SLC13A3: variants seen among roughly 807,000 people sequenced by gnomAD.
SLC13A3 encodes the protein Na(+)/dicarboxylate cotransporter 3.
Under a neutral mutation model 59.0 loss-of-function variants are expected in SLC13A3, and 40 were observed. The ratio of observed to expected loss-of-function variants is 0.68; its 90% CI spans 0.53 to 0.88. The LOEUF (loss-of-function observed/expected upper bound fraction) is 0.88, where lower values mean the gene tolerates loss of function less well. Ranked by LOEUF, SLC13A3 falls within the 40% of genes least tolerant of loss-of-function variation. The probability of loss-of-function intolerance (pLI) is 0.00; values close to 1 mark genes in which losing one functional copy is unlikely to be tolerated. For missense variants in SLC13A3, 699 were observed against 783.2 expected (o/e 0.89, Z 1.28); for synonymous variants, 317 against 330.3 (o/e 0.96, Z 0.44).
At chr20:46,655,292 TACACATATATACAC>T (rs983900888), upstream of SLC13A3, among the ~76,000 whole-genome samples, 8 of 149,760 alleles carry the variant, frequency 5.3e-5, no homozygotes, top group African/African-American at 9.8e-5. Context: ...TACACATATA[TACACATATATACAC>T]ACACATATAT....
At chr20:46,680,574 C>T (rs2063149357) in intron 1 of SLC13A3, among the ~76,000 whole-genome samples, 1 of 152,240 alleles carries the variant, frequency 6.6e-6, no homozygotes, top group African/African-American at 2.4e-5. Context: ...CTTGCCAGAG[C>T]TCGTGTCCCT....
chr20:46,648,947 A>T (rs982105536), intron 1 of SLC13A3, among the ~76,000 whole-genome samples: 5 of 146,574 alleles, frequency 3.4e-5, no homozygotes, highest in Non-Finnish European at 7.4e-5. Flanking sequence ...ACACATACAC[A>T]CACACACACA....
chr20:46,651,546 T>C, upstream of SLC13A3: 1 of 1,315,006 alleles, frequency 7.6e-7, no homozygotes. Context: ...TCCCTGCTCC[T>C]CCTGGAGGAA....
At chr20:46,575,508 C>A in intron 10 of SLC13A3, 65 bp downstream of exon 10, 1 of 931,350 alleles carries the variant, frequency 1.1e-6, no homozygotes, top group South Asian at 1.8e-5. Flanking sequence ...CTGCAGCCAG[C>A]ACTGGGACCC....
chr20:46,637,236 C>G (rs900650289), intron 1 of SLC13A3, among the ~76,000 whole-genome samples: 4 of 152,188 alleles, frequency 2.6e-5, no homozygotes, highest in Admixed American at 2.6e-4. Flanking sequence ...GGGAAGCCGG[C>G]CCTGCTGGAA....
In SLC13A3 at chr20:46,631,783, CG is replaced by C. The variant is rs145573679; in HGVS notation, c.112-18059del. On this transcript the variant is annotated intron_variant, in intron 1 of 12. Transcript: ENST00000279027. ...AAGCAAAACGCGCAGGGGTGAGAGACGGGTGGAGAGAGAGAGAAAAAAATGC... is the reference window on the plus strand; with the variant it reads ...AAGCAAAACGCGCAGGGGTGAGAGACGGTGGAGAGAGAGAGAAAAAAATGC... Among the ~76,000 whole-genome samples, 12 of 152,044 alleles carry C rather than the reference CG, an allele frequency of 7.9e-5. No individual in the cohort carries two copies. In the East Asian group the frequency reaches 2.3e-3, roughly 29 times the overall value.
chr20:46,582,684 C>A, intron 9 of SLC13A3: 3 of 985,248 alleles, frequency 3.0e-6, no homozygotes, highest in Non-Finnish European at 2.4e-6. Flanking sequence ...ATACACTATA[C>A]TCCCCACACT....
upstream of SLC13A3, chr20:46,673,600 C>T (rs2063105195): frequency 6.6e-6 from 1 of 152,340 alleles, no homozygotes; most frequent in African/African-American, 2.4e-5. Context: ...GTCACCTCCT[C>T]AGAGGGTCCC....
chr20:46,573,039 CCTCT>C (rs2146093198), intron 10 of SLC13A3, among the ~76,000 whole-genome samples: 1 of 152,320 alleles, frequency 6.6e-6, no homozygotes, highest in South Asian at 2.1e-4. Flanking sequence ...AGTTACTTAA[CCTCT>C]CTGTGTCTCA....
chr20:46,650,350 C>T (rs1420687330), intron 1 of SLC13A3, among the ~76,000 whole-genome samples: 1 of 152,112 alleles, frequency 6.6e-6, no homozygotes, highest in African/African-American at 2.4e-5. Flanking sequence ...TTTCTCTCCC[C>T]GAGCCTTGGT....
chr20:46,592,541 C>T lies in SLC13A3; in HGVS notation c.795-12G>A, dbSNP rs375792077. ...ACTGCGGAAAGAAACTGGAGAACAG[C>T]GGGAGATGAGAACAGGCCAAGGGCA... is the stretch of plus-strand genomic sequence containing the variant. On this transcript the variant is annotated splice_polypyrimidine_tract_variant and intron_variant, in intron 5 of 12. Coordinates refer to ENST00000279027, the MANE Select transcript of SLC13A3 (RefSeq NM_022829.6). The T allele has an allele frequency of 1.9e-5, 31 of 1,612,634 alleles. No homozygotes were observed. Among genetic ancestry groups the T allele is most frequent in the African/African-American group, 1.5e-4 (11 of 74,964 alleles).
chr20:46,583,806 A>G (rs2062163537), intron 8 of SLC13A3, 137 bp from the exon 9 acceptor site: 1 of 1,482,534 alleles, frequency 6.7e-7, no homozygotes, highest in Non-Finnish European at 9.0e-7. Context: ...GGGCCACTGG[A>G]TTCTGTCCTT....
At chr20:46,679,167 T>C (rs2063141393) in intron 1 of SLC13A3, among the ~76,000 whole-genome samples, 1 of 152,208 alleles carries the variant, frequency 6.6e-6, no homozygotes, top group South Asian at 2.1e-4. Flanking sequence ...CTAATACACA[T>C]GCCCATTCCT....
chr20:46,614,642 G>T (rs551127000), intron 1 of SLC13A3, among the ~76,000 whole-genome samples: 3 of 152,152 alleles, frequency 2.0e-5, no homozygotes, highest in Admixed American at 6.5e-5. Context: ...TAAGTACCAG[G>T]TGCTATTTAT....
chr20:46,575,708 C>T, intron 9 of SLC13A3, 23 bp from the exon 10 acceptor site: 1 of 1,492,332 alleles, frequency 6.7e-7, no homozygotes, highest in East Asian at 2.4e-5. Flanking sequence ...AGGGATTCAG[C>T]ACACACTCAG....
chr20:46,621,687 G>A (rs1003699479), intron 1 of SLC13A3, among the ~76,000 whole-genome samples: 3 of 152,198 alleles, frequency 2.0e-5, no homozygotes, highest in Admixed American at 6.5e-5. Context: ...GCTGCTAGGG[G>A]CAACCCAGGA....
chr20:46,569,381 A>T (rs1396851350), intron 10 of SLC13A3, among the ~76,000 whole-genome samples: 7 of 152,162 alleles, frequency 4.6e-5, no homozygotes, highest in South Asian at 4.1e-4. Flanking sequence ...GACCAGCAAC[A>T]GCCAAGGTCA....
intron 1 of SLC13A3, among the ~76,000 whole-genome samples, chr20:46,676,392 G>C (rs1249460671): frequency 6.8e-6 from 1 of 146,916 alleles, no homozygotes; most frequent in Non-Finnish European, 1.5e-5. Flanking sequence ...CTTCACCAAG[G>C]GCAGCCACTC....
chr20:46,651,377 C>A lies in SLC13A3; in HGVS notation c.45G>T (p.Arg15=). ...GCGTGAACAGCAGCACCAGCAGCCG[C>A]CGCGCGCTCCACACCTTCTTGGCCG... The part of the protein sequence containing the change: ...AAAAKKVWSA[R]RLLVLLFTPL... The change falls in exon 1 of 13, where the codon CGG becomes CGT. Residue 15 remains arginine (R), a synonymous_variant. Coordinates refer to ENST00000279027, the MANE Select transcript of SLC13A3 (RefSeq NM_022829.6). 1 of 1,510,290 alleles carries A rather than the reference C, an allele frequency of 6.6e-7. No homozygotes were observed. Among genetic ancestry groups the A allele is most frequent in the Non-Finnish European group, 8.8e-7 (1 of 1,133,242 alleles). The allele number at this position is 1,510,290 out of a possible 1,614,324, so 93.6% of individuals were successfully genotyped here. A position where few individuals can be genotyped will look rare whatever the true frequency, so the allele number is the denominator to read the frequency against.
Sources: allele counts gnomAD v4.1 joint callset (sites outside exome capture counted in the v4.1 genomes callset), GRCh38; gene constraint gnomAD v4.1.1; transcripts MANE v1.5; gene names NCBI Gene and HGNC (gene_info 2026-07-23, HGNC 2026-07-21).